LPA: variants seen among roughly 807,000 people sequenced by gnomAD.
LPA encodes lipoprotein(a).
LPA carries 199 observed loss-of-function variants against 197.9 expected under a neutral mutation model. That is an observed-to-expected ratio of 1.01 (90% confidence interval 0.90 to 1.13). The LOEUF is 1.13. Ranked by LOEUF, LPA falls within the 50% of genes most tolerant of loss-of-function variation. The pLI, the probability that LPA is intolerant of heterozygous loss-of-function variation, is 0.00. For synonymous variants in LPA, 715 were observed against 639.5 expected (o/e 1.12, Z -1.78); for missense variants, 1,853 against 1,785.8 (o/e 1.04, Z -0.68).
intron 16 of LPA, among the ~76,000 whole-genome samples, chr6:160,608,353 T>C (rs1779405650): frequency 6.6e-6 from 1 of 152,138 alleles, no homozygotes; most frequent in Admixed American, 6.6e-5. Context: ...ATTTTATTGC[T>C]GGATTTAGCA....
At chr6:160,606,378 G>A in intron 17 of LPA, 99 bp downstream of exon 17, 4 of 1,506,676 alleles carry the variant, frequency 2.7e-6, no homozygotes, top group Non-Finnish European at 2.8e-6. Context: ...CAACACTCGA[G>A]CATCCGTTTA....
In LPA at chr6:160,590,930, C is replaced by G; in HGVS notation, c.3787+14G>C. 1 of 1,613,872 alleles carries G rather than the reference C, an allele frequency of 6.2e-7. No individual in the cohort carries two copies. Among genetic ancestry groups the G allele is most frequent in the Non-Finnish European group, 8.5e-7 (1 of 1,179,838 alleles). On this transcript the variant is annotated intron_variant, in intron 23 of 38. Coordinates refer to ENST00000316300, the MANE Select transcript of LPA (RefSeq NM_005577.4). The stretch of plus-strand genomic sequence containing the variant: ...ACGTCCAAGGGTGTGGTTGTCTGGC[C>G]AGAGACTTCTTACCTTGTTCAGAAA...
rs1394290387 is a variant in LPA at position 160,591,421 on chromosome 6, A to C, written c.3630-320T>G. On this transcript the variant is annotated intron_variant, in intron 22 of 38. Coordinates refer to ENST00000316300, the MANE Select transcript of LPA (RefSeq NM_005577.4). ...CAAATATGTTACTTTGGATTAACTG[A>C]GAGATTTTGAAGTGAGTCTTGTAGA... Among the ~76,000 whole-genome samples, 4 of 152,298 alleles carry C rather than the reference A, an allele frequency of 2.6e-5. No homozygotes were observed. The East Asian group carries it at 5.8e-4, about 22-fold the overall frequency.
At position 160,606,376 on chromosome 6, in the gene LPA, G is replaced by T. The variant is rs536173611; in HGVS notation, c.2785+101C>A. ...ACATGACAGAACTCAGTCAACACTC[G>T]AGCATCCGTTTACCATTGGAGGCTG... On this transcript the variant is annotated intron_variant, in intron 17 of 38. Coordinates refer to ENST00000316300, the MANE Select transcript of LPA (RefSeq NM_005577.4). 4.0e-6 allele frequency: 6 copies of T among 1,499,380 alleles called. No homozygotes were observed. The Admixed American group carries it at 6.8e-5, about 17-fold the overall frequency. The allele number at this position is 1,499,380 out of a possible 1,614,324, so 92.9% of individuals were successfully genotyped here.
intron 31 of LPA, 29 bp downstream of exon 31, chr6:160,548,449 C>T (rs764693520): frequency 3.7e-6 from 6 of 1,610,348 alleles, no homozygotes; most frequent in East Asian, 2.2e-5. Context: ...GAGGTATGTG[C>T]TAGACAAGGT....
At chr6:160,594,188 C>T in intron 21 of LPA, 71 bp from the exon 22 acceptor site, 1 of 1,571,734 alleles carries the variant, frequency 6.4e-7, no homozygotes, top group Non-Finnish European at 8.8e-7. Flanking sequence ...AAATCTGTGA[C>T]TGAAACAGGA....
At chr6:160,584,264 CTCTTCCTCTTCT>C (rs1332719467) in intron 26 of LPA, among the ~76,000 whole-genome samples, 5 of 103,488 alleles carry the variant, frequency 4.8e-5, no homozygotes, top group Non-Finnish European at 8.0e-5. Flanking sequence ...CCTCCTCTTC[CTCTTCCTCTTCT>C]TCTTCTTCTT....
At position 160,580,741 on chromosome 6, in the gene LPA, C is replaced by T. The variant is rs138485486; in HGVS notation, c.4290-2037G>A. 7.2e-4 allele frequency among the ~76,000 whole-genome samples: 109 copies of T among 152,176 alleles called. 1 individual carries two copies. The East Asian group carries it at 0.02, about 28-fold the overall frequency. On this transcript the variant is annotated intron_variant, in intron 26 of 38. Coordinates refer to ENST00000316300, the MANE Select transcript of LPA (RefSeq NM_005577.4). ...AGAAATGACTATTCAAGCCTGTTGCCCATTTTGATTAGGTTGTTTGTCCTC... is the reference window on the plus strand; with the variant it reads ...AGAAATGACTATTCAAGCCTGTTGCTCATTTTGATTAGGTTGTTTGTCCTC...
intron 1 of LPA, among the ~76,000 whole-genome samples, chr6:160,654,724 T>A (rs549917630): frequency 2.0e-5 from 3 of 152,200 alleles, no homozygotes; most frequent in Admixed American, 2.0e-4. Context: ...TAAATGCTGA[T>A]GTGAAGTCCA....
At chr6:160,605,833 T>G (rs1779337721) in intron 17 of LPA, among the ~76,000 whole-genome samples, 1 of 152,126 alleles carries the variant, frequency 6.6e-6, no homozygotes, top group African/African-American at 2.4e-5. Flanking sequence ...CATCCTGAGT[T>G]GCAATAATAC....
chr6:160,662,388 C>A (rs1372311007), intron 1 of LPA, among the ~76,000 whole-genome samples: 1 of 152,204 alleles, frequency 6.6e-6, no homozygotes, highest in Non-Finnish European at 1.5e-5. Flanking sequence ...TGTTTCTCCG[C>A]TTCTCACTGA....
chr6:160,566,768 A>G (rs544410607), intron 28 of LPA, among the ~76,000 whole-genome samples: 5 of 152,228 alleles, frequency 3.3e-5, no homozygotes, highest in Non-Finnish European at 5.9e-5. Flanking sequence ...AGAGACACAC[A>G]TAGGCTCAAA....
chr6:160,570,716 C>T (rs1185140505), intron 28 of LPA, among the ~76,000 whole-genome samples: 1 of 152,188 alleles, frequency 6.6e-6, no homozygotes, highest in Non-Finnish European at 1.5e-5. Context: ...CACTGTTAGT[C>T]TGATGGGGTT....
chr6:160,576,418 G>GTA (rs1173500008), intron 28 of LPA, among the ~76,000 whole-genome samples: 410 of 24,960 alleles, frequency 0.016, 8 homozygotes, highest in African/African-American at 0.066. Flanking sequence ...ATATATATGG[G>GTA]TATATATATA....
intron 27 of LPA, 24 bp downstream of exon 27, chr6:160,578,499 G>C: frequency 6.2e-7 from 1 of 1,613,290 alleles, no homozygotes; most frequent in Non-Finnish European, 8.5e-7. Context: ...CCAGTATATA[G>C]ATGTCTAACC....
At chr6:160,534,636 C>G (rs1346865622) in intron 37 of LPA, among the ~76,000 whole-genome samples, 1 of 152,176 alleles carries the variant, frequency 6.6e-6, no homozygotes, top group Non-Finnish European at 1.5e-5. Flanking sequence ...TGAGAACACC[C>G]ATTGATCTGA....
chr6:160,598,836 G>A (rs966677840), intron 20 of LPA, among the ~76,000 whole-genome samples: 1 of 152,188 alleles, frequency 6.6e-6, no homozygotes, highest in Non-Finnish European at 1.5e-5. Context: ...GACCCAAGAT[G>A]CAAAAGGCCA....
At chr6:160,540,277 C>T (rs1257156158) in intron 35 of LPA, 94 bp from the exon 36 acceptor site, 22 of 1,444,224 alleles carry the variant, frequency 1.5e-5, no homozygotes, top group East Asian at 4.6e-5. Flanking sequence ...CTGACACCCT[C>T]GGCCACCCAG....
In LPA at chr6:160,611,623, G is replaced by C. The variant is rs1413200777; in HGVS notation, c.2542C>G (p.Gln848Glu). Reference protein sequence around the residue: ...YSTTVTGRTCQAWSSMTPHSH... With the variant: ...YSTTVTGRTCEAWSSMTPHSH... ...TGTGGTGTCATAGATGACCAAGCTT[G>C]GCAGGTTCTTCCAGTGACAGTGGTG... Residue 848 changes from glutamine (Q) to glutamate (E), a missense_variant, in exon 16 of 39, where the codon CAA (glutamine) becomes GAA (glutamate). Coordinates refer to ENST00000316300, the MANE Select transcript of LPA (RefSeq NM_005577.4). 6.3e-7 allele frequency: 1 copy of C among 1,596,782 alleles called. No homozygotes were observed. Among genetic ancestry groups the C allele is most frequent in the African/African-American group, 1.4e-5 (1 of 73,778 alleles).
Sources: allele counts gnomAD v4.1 joint callset (sites outside exome capture counted in the v4.1 genomes callset), GRCh38; gene constraint gnomAD v4.1.1; transcripts MANE v1.5; gene names NCBI Gene and HGNC (gene_info 2026-07-23, HGNC 2026-07-21).